Variants in WDR45B observed in about 807,000 individuals in gnomAD.
WDR45B encodes the protein WD repeat domain phosphoinositide-interacting protein 3.
In WDR45B, 20 loss-of-function variants were observed where a neutral mutation model predicts 44.6. The observed-to-expected ratio is 0.45, with a 90% CI of 0.32 to 0.65. The LOEUF is 0.65. Among genes scored for constraint, WDR45B ranks in the 30% least tolerant of loss-of-function variants. WDR45B has a pLI of 0.05. For synonymous variants in WDR45B, 169 were observed against 164.9 expected, an observed-to-expected ratio of 1.02 and a Z score of -0.19; for missense variants, 323 against 430.2, an observed-to-expected ratio of 0.75 and a Z score of 2.20.
intron 5 of WDR45B, among the ~76,000 whole-genome samples, chr17:82,624,029 C>T (rs1598263669): frequency 6.6e-6 from 1 of 152,262 alleles, no homozygotes; most frequent in East Asian, 1.9e-4. Context: ...ACAACCACAA[C>T]ATGGTTGTGA....
chr17:82,648,308 G>A lies in WDR45B; in HGVS notation c.33C>T (p.Asn11=), dbSNP rs771097062. 2 of 1,606,988 alleles carry A rather than the reference G, an allele frequency of 1.2e-6. No homozygotes were observed. Among genetic ancestry groups the A allele is most frequent in the East Asian group, 2.3e-5 (1 of 44,310 alleles). The change falls in exon 1 of 10, where the codon AAC becomes AAT. Residue 11 remains asparagine, a synonymous_variant. Transcript: ENST00000392325. MNLLPCNPHG[N]GLLYAGFNQD... ...GGTTGAAGCCGGCGTAGAGCAGCCC[G>A]TTGCCGTGAGGGTTACACGGCAGGA... is the stretch of plus-strand genomic sequence containing the variant.
chr17:82,616,072 G>T, intron 9 of WDR45B, 47 bp from the exon 10 acceptor site: 1 of 1,557,918 alleles, frequency 6.4e-7, no homozygotes, highest in Non-Finnish European at 8.8e-7. Flanking sequence ...TTTCCCTCAA[G>T]TTAAAAGCAA....
At chr17:82,623,510 G>T (rs1266977754) in intron 5 of WDR45B, among the ~76,000 whole-genome samples, 1 of 151,798 alleles carries the variant, frequency 6.6e-6, no homozygotes, top group East Asian at 1.9e-4. Flanking sequence ...GACCAGCCTG[G>T]CCAACATGGT....
intron 2 of WDR45B, among the ~76,000 whole-genome samples, chr17:82,632,418 C>T (rs1442801448): frequency 6.6e-6 from 1 of 152,144 alleles, no homozygotes; most frequent in East Asian, 1.9e-4. Context: ...CCTGCCATCT[C>T]AGCCTCCCAA....
At chr17:82,647,655 G>A (rs1258351230) in intron 1 of WDR45B, among the ~76,000 whole-genome samples, 1 of 152,032 alleles carries the variant, frequency 6.6e-6, no homozygotes, top group Non-Finnish European at 1.5e-5. Context: ...CGGGGAGTGG[G>A]GGTGGGGAGA....
intron 3 of WDR45B, chr17:82,630,096 G>A (rs1052695020): frequency 1.3e-5 from 8 of 609,738 alleles, no homozygotes; most frequent in African/African-American, 1.0e-4. Context: ...GGGCTCAGAC[G>A]AGGATGCTTG....
At position 82,615,998 on chromosome 17, in the gene WDR45B, T is replaced by C; in HGVS notation, c.956A>G (p.Lys319Arg). The C allele has an allele frequency of 6.2e-7, 1 of 1,613,892 alleles. No homozygotes were observed. The highest frequency in any genetic ancestry group is 1.7e-5 in the Admixed American group (1 of 59,978). ...CTCCCCCTTGGGGTTGAACAGGAAT[T>C]TGTAGTAGCTGCCGTCTGCACAAAT... ...IAICADGSYY[K>R]FLFNPKGECI... Residue 319 changes from lysine to arginine, a missense_variant, in exon 10 of 10, where the codon AAA becomes AGA. By Grantham distance (26) the Lys-to-Arg change is conservative. Coordinates refer to ENST00000392325, the MANE Select transcript of WDR45B (RefSeq NM_019613.4).
chr17:82,633,126 G>C (rs1340799889), intron 2 of WDR45B, among the ~76,000 whole-genome samples: 1 of 145,608 alleles, frequency 6.9e-6, no homozygotes, highest in Non-Finnish European at 1.5e-5. Flanking sequence ...TTGCACCACT[G>C]CACTCCAGCC....
intron 2 of WDR45B, among the ~76,000 whole-genome samples, chr17:82,643,369 G>A (rs1163948095): frequency 6.6e-6 from 1 of 152,044 alleles, no homozygotes; most frequent in Non-Finnish European, 1.5e-5. Context: ...GGAGGCGGAG[G>A]TTGCAATGAG....
chr17:82,619,334 G>A (rs758778556), intron 6 of WDR45B, among the ~76,000 whole-genome samples: 1 of 152,080 alleles, frequency 6.6e-6, no homozygotes, highest in Non-Finnish European at 1.5e-5. Context: ...TGGTCCCACG[G>A]CACTGGGCAC....
chr17:82,627,306 A>T lies in WDR45B; in HGVS notation c.245-15T>A, dbSNP rs1276836923. On this transcript the variant is annotated splice_polypyrimidine_tract_variant and intron_variant, in intron 3 of 9. Transcript: ENST00000392325. ...CCAGATCATTACTGAAATATCAGAA[A>T]GAAAAGATGAATGCAGTCATCAGCA... 6.3e-7 allele frequency: 1 copy of T among 1,595,368 alleles called. No homozygotes were observed. Among genetic ancestry groups the T allele is most frequent in the East Asian group, 2.2e-5 (1 of 44,820 alleles).
chr17:82,648,236 G>A, intron 1 of WDR45B, 38 bp downstream of exon 1: 1 of 1,590,020 alleles, frequency 6.3e-7, no homozygotes, highest in Non-Finnish European at 8.5e-7. Context: ...CTGCGGGAAG[G>A]CCCGGCCGGG....
intron 1 of WDR45B, among the ~76,000 whole-genome samples, chr17:82,647,613 C>T (rs1268025082): frequency 6.6e-6 from 1 of 152,140 alleles, no homozygotes; most frequent in South Asian, 2.1e-4. Context: ...TCCCTTAAGT[C>T]CTTTGACTCC....
chr17:82,644,945 G>A (rs569196401), intron 1 of WDR45B, among the ~76,000 whole-genome samples: 31 of 152,318 alleles, frequency 2.0e-4, no homozygotes, highest in Admixed American at 3.3e-4. Context: ...CGGATCACCT[G>A]AGGTCAGGAG....
intron 3 of WDR45B, chr17:82,629,765 G>A (rs904185644): frequency 9.5e-5 from 94 of 985,414 alleles, no homozygotes; most frequent in Non-Finnish European, 1.1e-4. Flanking sequence ...AGCTTGTCAC[G>A]AGTCATCTGG....
intron 6 of WDR45B, among the ~76,000 whole-genome samples, chr17:82,621,204 C>A (rs1391067718): frequency 6.6e-6 from 1 of 152,274 alleles, no homozygotes; most frequent in East Asian, 1.9e-4. Context: ...CAGGTACACA[C>A]CACCATGCCT....
intron 2 of WDR45B, among the ~76,000 whole-genome samples, chr17:82,640,173 G>A (rs1460820999): frequency 6.6e-6 from 1 of 152,068 alleles, no homozygotes; most frequent in African/African-American, 2.4e-5. Flanking sequence ...ACAGCAGCCT[G>A]CTCAGAGCCC....
intron 2 of WDR45B, among the ~76,000 whole-genome samples, chr17:82,642,405 A>G (rs552677374): frequency 3.9e-5 from 6 of 152,288 alleles, no homozygotes; most frequent in African/African-American, 1.2e-4. Flanking sequence ...CCATCCCCCT[A>G]TGAAAAAAAC....
intron 5 of WDR45B, 81 bp downstream of exon 5, chr17:82,625,308 T>A: frequency 7.1e-7 from 1 of 1,402,732 alleles, no homozygotes; most frequent in East Asian, 2.3e-5. Context: ...CTCAGAGACC[T>A]GCTTGGAGAA....
Sources: allele counts gnomAD v4.1 joint callset (sites outside exome capture counted in the v4.1 genomes callset), GRCh38; gene constraint gnomAD v4.1.1; transcripts MANE v1.5; gene names NCBI Gene and HGNC (gene_info 2026-07-23, HGNC 2026-07-21).